DENND1B: variants seen among roughly 807,000 people sequenced by gnomAD.
DENND1B encodes DENN domain containing 1B.
DENND1B carries 59 observed loss-of-function variants against 90.1 expected under a neutral mutation model. That is an observed-to-expected ratio of 0.65 (90% confidence interval 0.53 to 0.81). The LOEUF is 0.81. Ranked by LOEUF, DENND1B falls within the 40% of genes least tolerant of loss-of-function variation. The pLI is 0.00. For missense variants in DENND1B, 862 were observed against 912.6 expected (o/e 0.94, Z 0.71); for synonymous variants, 337 against 324.6 (o/e 1.04, Z -0.41).
At chr1:197,590,473 ATTACT>A (rs964518738) in intron 14 of DENND1B, among the ~76,000 whole-genome samples, 1 of 152,148 alleles carries the variant, frequency 6.6e-6, no homozygotes, top group Non-Finnish European at 1.5e-5. Flanking sequence ...TAAAATATTC[ATTACT>A]TTATTTAAAT....
intron 2 of DENND1B, 84 bp from the exon 3 acceptor site, chr1:197,715,158 G>A: frequency 1.8e-6 from 2 of 1,093,558 alleles, no homozygotes; most frequent in Non-Finnish European, 2.7e-6. Context: ...TCTTAAAATT[G>A]TCAAAGCTAC....
intron 2 of DENND1B, among the ~76,000 whole-genome samples, chr1:197,744,216 C>A (rs1663490039): frequency 1.3e-5 from 2 of 152,246 alleles, no homozygotes; most frequent in South Asian, 4.1e-4. Context: ...TTAATGACAT[C>A]TAGAATGGTG....
At chr1:197,593,606 G>T (rs1675431576) in intron 14 of DENND1B, among the ~76,000 whole-genome samples, 1 of 151,580 alleles carries the variant, frequency 6.6e-6, no homozygotes, top group South Asian at 2.1e-4. Flanking sequence ...ATTAAACAAT[G>T]AAATCTACAG....
chr1:197,713,937 T>TATTATATGCATATAA (rs1287801206), intron 3 of DENND1B, among the ~76,000 whole-genome samples: 3 of 127,926 alleles, frequency 2.3e-5, no homozygotes, highest in African/African-American at 5.9e-5. Context: ...TATACATATA[T>TATTATATGCATATAA]TATATACATA....
At chr1:197,772,750 G>A (rs1283646288) in intron 2 of DENND1B, 118 bp downstream of exon 2, 18 of 814,102 alleles carry the variant, frequency 2.2e-5, no homozygotes, top group Middle Eastern at 2.9e-4. Flanking sequence ...ACCTGAACCC[G>A]GGAAGGAGAG....
At chr1:197,780,910 G>T in the DENND1B span, among the ~76,000 whole-genome samples, 1 of 152,008 alleles carries the variant, frequency 6.6e-6, no homozygotes, top group African/African-American at 2.4e-5. Flanking sequence ...AGAAACCCAA[G>T]TTCAGGGCTT....
At position 197,775,254 on chromosome 1, in the gene DENND1B, C is replaced by T; in HGVS notation, c.-99G>A. On this transcript the variant is annotated 5_prime_UTR_variant, in exon 1 of 23. Transcript: ENST00000620048. ...AGGGTCGCGCCGTCCCCGCCCACGC[C>T]GGCGGCCACACAGGGAAAGAGGCTG... 5 of 1,014,572 alleles carry T rather than the reference C, an allele frequency of 4.9e-6. No individual in the cohort carries two copies. In the East Asian group the frequency reaches 1.8e-4, roughly 37 times the overall value. 62.8% of individuals were successfully genotyped at this position (1,014,572 alleles called of 1,614,324 possible).
At chr1:197,733,914 C>G in intron 2 of DENND1B, 1 of 242,984 alleles carries the variant, frequency 4.1e-6, no homozygotes, top group Non-Finnish European at 6.6e-6. Flanking sequence ...ACCCCTTCCT[C>G]TATACGTGCT....
chr1:197,635,660 C>T (rs942766862), intron 10 of DENND1B, among the ~76,000 whole-genome samples: 2 of 151,880 alleles, frequency 1.3e-5, no homozygotes, highest in African/African-American at 2.4e-5. Context: ...TTAAAGAGAT[C>T]GATATCTAAT....
In DENND1B at chr1:197,629,864, A is replaced by G. The variant is rs549913955; in HGVS notation, c.673-12105T>C. 5.9e-5 allele frequency among the ~76,000 whole-genome samples: 9 copies of G among 152,170 alleles called. No individual in the cohort carries two copies. In the East Asian group the frequency reaches 1.7e-3, roughly 29 times the overall value. On this transcript the variant is annotated intron_variant, in intron 10 of 22. Transcript: ENST00000620048. The stretch of plus-strand genomic sequence containing the variant: ...AAAATTCTATAATAAGAAAACAAAC[A>G]ACCCAATTAAGAAATGGGTCAAAAA...
chr1:197,555,313 G>A (rs1433041279), intron 15 of DENND1B, among the ~76,000 whole-genome samples: 1 of 152,010 alleles, frequency 6.6e-6, no homozygotes, highest in Non-Finnish European at 1.5e-5. Flanking sequence ...AATAACCTAT[G>A]ACTAAGTCTT....
chr1:197,650,862 G>A (rs902816620), intron 7 of DENND1B, among the ~76,000 whole-genome samples: 7 of 152,202 alleles, frequency 4.6e-5, no homozygotes, highest in Non-Finnish European at 1.0e-4. Flanking sequence ...TTGGAGACTT[G>A]GGGAGAAGAG....
At chr1:197,746,636 G>T in intron 2 of DENND1B, 1 of 633,550 alleles carries the variant, frequency 1.6e-6, no homozygotes, top group Non-Finnish European at 2.8e-6. Context: ...CAAATTTTAT[G>T]CTTATTTTTG....
At chr1:197,679,240 T>C (rs941720512) in intron 3 of DENND1B, among the ~76,000 whole-genome samples, 1 of 151,074 alleles carries the variant, frequency 6.6e-6, no homozygotes, top group African/African-American at 2.4e-5. Flanking sequence ...TTTAGTTTGA[T>C]CCAATGTCAA....
intron 3 of DENND1B, among the ~76,000 whole-genome samples, chr1:197,684,724 A>G (rs78823478): frequency 0.017 from 2,548 of 152,302 alleles, 40 homozygotes; most frequent in Middle Eastern, 0.037. Context: ...TACAGTAAAA[A>G]CATATATTTA....
intron 20 of DENND1B, among the ~76,000 whole-genome samples, chr1:197,529,012 T>C (rs1276711843): frequency 6.6e-6 from 1 of 151,868 alleles, no homozygotes; most frequent in Admixed American, 6.6e-5. Flanking sequence ...TTAAACATAT[T>C]TCTATTTGTA....
intron 3 of DENND1B, among the ~76,000 whole-genome samples, chr1:197,706,436 A>T (rs559970284): frequency 4.6e-5 from 7 of 152,216 alleles, no homozygotes; most frequent in Non-Finnish European, 1.0e-4. Context: ...AAATGAGATT[A>T]TATCAAACTA....
chr1:197,521,819 T>C (rs979662087), intron 20 of DENND1B, among the ~76,000 whole-genome samples: 1 of 152,098 alleles, frequency 6.6e-6, no homozygotes, highest in Non-Finnish European at 1.5e-5. Flanking sequence ...TTATGTACTG[T>C]ATTTTATTTC....
intron 3 of DENND1B, among the ~76,000 whole-genome samples, chr1:197,706,518 C>T (rs542487059): frequency 5.3e-5 from 8 of 152,178 alleles, no homozygotes; most frequent in Middle Eastern, 3.4e-3. Flanking sequence ...AGAATGTATA[C>T]GTAAACTAAT....
Sources: allele counts gnomAD v4.1 joint callset (sites outside exome capture counted in the v4.1 genomes callset), GRCh38; gene constraint gnomAD v4.1.1; transcripts MANE v1.5; gene names NCBI Gene and HGNC (gene_info 2026-07-23, HGNC 2026-07-21).